Variants in PTPRG observed in about 807,000 individuals in gnomAD.
PTPRG encodes protein tyrosine phosphatase receptor type G, also known as receptor-type tyrosine-protein phosphatase gamma.
Under a neutral mutation model 165.3 loss-of-function variants are expected in PTPRG, and 102 were observed. The observed-to-expected ratio is 0.62, with a 90% CI of 0.53 to 0.73. The LOEUF (loss-of-function observed/expected upper bound fraction) is 0.73, where lower values mean the gene tolerates loss of function less well. PTPRG is among the 30% of genes least tolerant of loss of function. The probability of loss-of-function intolerance (pLI) is 0.00; values close to 1 mark genes in which losing one functional copy is unlikely to be tolerated. For missense variants in PTPRG, 1,866 were observed against 1,861.4 expected (o/e 1.00, Z -0.05); for synonymous variants, 675 against 669.5 (o/e 1.01, Z -0.13).
In PTPRG at chr3:62,297,569, T is replaced by C. The variant is rs554792317; in HGVS notation, c.*4262T>C. 2.6e-5 allele frequency: 4 copies of C among 152,184 alleles called. No homozygotes were observed. Among genetic ancestry groups the C allele is most frequent in the South Asian group, 2.1e-4 (1 of 4,822 alleles). The allele number at this position is 152,184 out of a possible 1,614,324, so 9.4% of individuals were successfully genotyped here. Reference sequence around the variant, plus strand: ...ATTATAGTGTTATTTAATATGTAAATTGTATTGCTATACATAAAATAAAGT... The same window carrying C: ...ATTATAGTGTTATTTAATATGTAAACTGTATTGCTATACATAAAATAAAGT... On this transcript the variant is annotated 3_prime_UTR_variant, in exon 30 of 30. Coordinates refer to ENST00000474889, the MANE Select transcript of PTPRG (RefSeq NM_002841.4).
At chr3:61,877,277 G>C (rs1486693761) in intron 2 of PTPRG, among the ~76,000 whole-genome samples, 2 of 152,180 alleles carry the variant, frequency 1.3e-5, no homozygotes, top group Non-Finnish European at 2.9e-5. Context: ...TTAGCATTTG[G>C]ATATTTATTA....
intron 4 of PTPRG, among the ~76,000 whole-genome samples, chr3:62,005,884 G>T (rs1575877896): frequency 6.6e-6 from 1 of 151,628 alleles, no homozygotes; most frequent in South Asian, 2.1e-4. Flanking sequence ...TGTATTTTTA[G>T]TAGAGACAAG....
intron 1 of PTPRG, among the ~76,000 whole-genome samples, chr3:61,566,822 G>A (rs544852451): frequency 9.9e-5 from 15 of 152,228 alleles, no homozygotes; most frequent in Non-Finnish European, 2.2e-4. Flanking sequence ...TGCTTTTACA[G>A]TGACACGTTG....
At chr3:62,145,539 AGAT>A (rs148115531) in intron 6 of PTPRG, among the ~76,000 whole-genome samples, 12,181 of 151,930 alleles carry the variant, frequency 0.08, 1,360 homozygotes, top group African/African-American at 0.25. Context: ...GAAATGATGA[AGAT>A]GATGATGATG....
At chr3:61,995,080 C>CTTTTTTTTTTTTTTTTTTTT (rs1233679653) in intron 3 of PTPRG, among the ~76,000 whole-genome samples, 3 of 107,400 alleles carry the variant, frequency 2.8e-5, no homozygotes, top group African/African-American at 1.2e-4. Context: ...TCTTTTCTTT[C>CTTTTTTTTTTTTTTTTTTTT]TTTCTTTTTT....
chr3:61,997,465 T>C (rs1452062344), intron 3 of PTPRG, among the ~76,000 whole-genome samples: 2 of 152,156 alleles, frequency 1.3e-5, no homozygotes, highest in Non-Finnish European at 2.9e-5. Context: ...TGGCTTTCTC[T>C]TACTCGTTAC....
intron 1 of PTPRG, among the ~76,000 whole-genome samples, chr3:61,603,162 C>T (rs959663631): frequency 6.6e-6 from 1 of 152,164 alleles, no homozygotes; most frequent in Non-Finnish European, 1.5e-5. Context: ...TTTACCAAAC[C>T]ACCACTGACT....
chr3:62,177,481 G>A (rs901354195), intron 8 of PTPRG, among the ~76,000 whole-genome samples: 1 of 152,140 alleles, frequency 6.6e-6, no homozygotes, highest in African/African-American at 2.4e-5. Context: ...CATGATCATT[G>A]GAGAACGTAT....
chr3:61,864,431 A>G (rs970357782), intron 2 of PTPRG, among the ~76,000 whole-genome samples: 2 of 151,982 alleles, frequency 1.3e-5, no homozygotes, highest in African/African-American at 4.8e-5. Context: ...CTGAGTATGG[A>G]GAATCCCGGG....
In PTPRG at chr3:62,094,834, C is replaced by T. The variant is rs189031611; in HGVS notation, c.615+16576C>T. On this transcript the variant is annotated intron_variant, in intron 5 of 29. Coordinates refer to ENST00000474889, the MANE Select transcript of PTPRG (RefSeq NM_002841.4). ...AGCTGCTGCTGAAACTTTTTAGAAGCCCAGAAGCAGTTCTGCTCATGCCTG... is the reference window on the plus strand; with the variant it reads ...AGCTGCTGCTGAAACTTTTTAGAAGTCCAGAAGCAGTTCTGCTCATGCCTG... 2.3e-3 allele frequency among the ~76,000 whole-genome samples: 349 copies of T among 152,318 alleles called. 2 individuals are homozygous for T. Among genetic ancestry groups the T allele is most frequent in the African/African-American group, 7.9e-3 (330 of 41,568 alleles).
At position 61,598,795 on chromosome 3, in the gene PTPRG, C is replaced by A. The variant is rs558244794; in HGVS notation, c.85+36423C>A. On this transcript the variant is annotated intron_variant, in intron 1 of 29. Transcript: ENST00000474889. ...TCAGGGTCGTGAGGGAGAATCTGTT[C>A]CGTGCCCTCCCCTAGCTTCTGGTGG... Among the ~76,000 whole-genome samples the A allele has an allele frequency of 7.8e-4, 119 of 152,194 alleles. 6 individuals carry two copies. The South Asian group carries it at 0.024, about 31-fold the overall frequency.
intron 1 of PTPRG, among the ~76,000 whole-genome samples, chr3:61,708,633 T>G (rs546037258): frequency 6.6e-6 from 1 of 151,702 alleles, no homozygotes; most frequent in South Asian, 2.1e-4. Context: ...TTTTTTGTAA[T>G]TTTTTAGTAG....
intron 4 of PTPRG, among the ~76,000 whole-genome samples, chr3:62,058,330 TTTATTA>T (rs912533638): frequency 3.9e-5 from 6 of 151,904 alleles, no homozygotes; most frequent in African/African-American, 7.3e-5. Flanking sequence ...TATGCACTTA[TTTATTA>T]TTATTATTAT....
chr3:61,648,053 G>C (rs1038650762), intron 1 of PTPRG, among the ~76,000 whole-genome samples: 1 of 152,076 alleles, frequency 6.6e-6, no homozygotes, highest in African/African-American at 2.4e-5. Flanking sequence ...CCCAAGACAG[G>C]CTGCAACTTC....
chr3:61,825,197 A>C (rs1045852180), intron 2 of PTPRG, among the ~76,000 whole-genome samples: 1 of 152,218 alleles, frequency 6.6e-6, no homozygotes, highest in Admixed American at 6.5e-5. Flanking sequence ...AGAATTCAGT[A>C]ATTCTGCACA....
chr3:61,877,135 G>C (rs1559663706), intron 2 of PTPRG, among the ~76,000 whole-genome samples: 1 of 151,936 alleles, frequency 6.6e-6, no homozygotes, highest in East Asian at 1.9e-4. Flanking sequence ...TTAAATATCT[G>C]GGTCTAAATA....
intron 2 of PTPRG, among the ~76,000 whole-genome samples, chr3:61,894,135 C>A (rs1364861584): frequency 6.6e-6 from 1 of 151,826 alleles, no homozygotes; most frequent in African/African-American, 2.4e-5. Flanking sequence ...AAAACCCCGT[C>A]TCTACTAAAA....
intron 4 of PTPRG, among the ~76,000 whole-genome samples, chr3:62,043,111 A>T (rs1700180048): frequency 6.6e-6 from 1 of 152,202 alleles, no homozygotes; most frequent in Non-Finnish European, 1.5e-5. Flanking sequence ...TTTTTAACAG[A>T]CAGAAGGCAT....
In PTPRG at chr3:61,749,014, A is replaced by G. The variant is rs747510150; in HGVS notation, c.190+32A>G. ...CCAGTTGTTCTAATGGAGATCACAC[A>G]GGCCAGTTAACATCCCATTCAACTC... is the stretch of plus-strand genomic sequence containing the variant. On this transcript the variant is annotated intron_variant, in intron 2 of 29. Transcript: ENST00000474889. The G allele has an allele frequency of 3.0e-5, 47 of 1,542,560 alleles. No homozygotes were observed. The Admixed American group carries it at 6.0e-4, about 20-fold the overall frequency.
Sources: gnomAD v4.1 joint callset for allele counts (sites outside exome capture counted in the v4.1 genomes callset) on GRCh38, gnomAD v4.1.1 for gene constraint, MANE v1.5 for transcripts, NCBI Gene and HGNC (gene_info 2026-07-23, HGNC 2026-07-21) for gene names.